Variants in MSANTD7 observed in about 807,000 individuals in gnomAD.
The protein encoded by MSANTD7 is Myb/SANT DNA binding domain containing 7, also known as zinc finger and SCAN domain containing 29.
the MSANTD7 span, chr10:14,838,656 T>C: frequency 1.8e-6 from 1 of 545,638 alleles, no homozygotes; most frequent in Non-Finnish European, 3.2e-6. Flanking sequence ...AGTCGTCTAC[T>C]CCGCGGCGGA....
At chr10:14,842,989 T>C in the MSANTD7 span, 4 of 710,296 alleles carry the variant, frequency 5.6e-6, no homozygotes, top group South Asian at 5.9e-5. This position sits in a 1 kb window ranked among gnomAD's most constrained non-coding sequence, Gnocchi z 5.2. Context: ...AAAAACCTAA[T>C]AGTAAGCTAA....
chr10:14,846,241 A>G, the MSANTD7 span: 2 of 985,322 alleles, frequency 2.0e-6, no homozygotes, highest in Non-Finnish European at 2.4e-6. Flanking sequence ...GTAGGTAGGT[A>G]GGTAGATTTT....
chr10:14,838,816 C>T, the MSANTD7 span, among the ~76,000 whole-genome samples: 1 of 151,582 alleles, frequency 6.6e-6, no homozygotes, highest in Admixed American at 6.6e-5. Context: ...CCGGGGACGG[C>T]GGGGCTGCGA....
At chr10:14,844,878 A>AT in the MSANTD7 span, 4 of 984,970 alleles carry the variant, frequency 4.1e-6, no homozygotes, top group Non-Finnish European at 3.6e-6. Context: ...CTTTTCTGTT[A>AT]TTTTTTTGTC....
At chr10:14,842,524 T>G in the MSANTD7 span, 1 of 1,536,164 alleles carries the variant, frequency 6.5e-7, no homozygotes, top group East Asian at 2.4e-5. The surrounding 1 kb of genome is among the most constrained non-coding windows in gnomAD (Gnocchi z 5.2). Flanking sequence ...ATGTTGCCCA[T>G]GCCACAAGTA....
the MSANTD7 span, chr10:14,844,102 A>C: frequency 7.2e-7 from 1 of 1,392,500 alleles, no homozygotes; most frequent in African/African-American, 1.5e-5. Flanking sequence ...GGGGTGACCT[A>C]ATAGAAAACG....
At chr10:14,839,131 A>G in the MSANTD7 span, among the ~76,000 whole-genome samples, 1 of 152,256 alleles carries the variant, frequency 6.6e-6, no homozygotes, top group Non-Finnish European at 1.5e-5. Flanking sequence ...TGGAAGTGAG[A>G]GCCTGACAGG....
At chr10:14,846,938 C>T in the MSANTD7 span, 1 of 985,170 alleles carries the variant, frequency 1.0e-6, no homozygotes, top group African/African-American at 1.7e-5. Context: ...CAACTTCTCA[C>T]CACCTTTGTT....
At chr10:14,838,919 G>A in the MSANTD7 span, among the ~76,000 whole-genome samples, 1 of 152,172 alleles carries the variant, frequency 6.6e-6, no homozygotes, top group Non-Finnish European at 1.5e-5. Flanking sequence ...GCGGGTGGGA[G>A]GTCCTGGGAA....
At chr10:14,844,320 T>C in the MSANTD7 span, 3 of 1,036,146 alleles carry the variant, frequency 2.9e-6, no homozygotes, top group Non-Finnish European at 3.5e-6. Flanking sequence ...ATTTAAGTTA[T>C]TAATTCATAT....
chr10:14,844,444 G>A, the MSANTD7 span: 1 of 991,166 alleles, frequency 1.0e-6, no homozygotes, highest in African/African-American at 1.7e-5. Context: ...GCTTCATGGA[G>A]TTTGAAATCT....
At chr10:14,843,935 G>A in the MSANTD7 span, 2 of 1,531,044 alleles carry the variant, frequency 1.3e-6, no homozygotes, top group East Asian at 2.4e-5. Context: ...ACTGGTAGAA[G>A]TCTAGTTCCC....
chr10:14,843,641 G>C, the MSANTD7 span: 1 of 1,550,040 alleles, frequency 6.5e-7, no homozygotes, highest in Non-Finnish European at 8.7e-7. Flanking sequence ...TCAGTGGCCA[G>C]GACTATCGCA....
At chr10:14,843,991 A>G in the MSANTD7 span, 1 of 1,476,292 alleles carries the variant, frequency 6.8e-7, no homozygotes, top group African/African-American at 1.4e-5. Context: ...GTCCTCAGAA[A>G]AAAACATGGA....
At chr10:14,845,940 A>G in the MSANTD7 span, 1 of 815,366 alleles carries the variant, frequency 1.2e-6, no homozygotes, top group Non-Finnish European at 1.5e-6. Context: ...TTCCAGCTCT[A>G]AAAAAATTTG....
At chr10:14,842,343 T>C in the MSANTD7 span, 6 of 1,536,122 alleles carry the variant, frequency 3.9e-6, no homozygotes, top group Non-Finnish European at 5.2e-6. This position sits in a 1 kb window ranked among gnomAD's most constrained non-coding sequence, Gnocchi z 5.2. Flanking sequence ...ACACGAACTC[T>C]TCTCTCCATA....
the MSANTD7 span, chr10:14,843,253 G>A: frequency 7.8e-7 from 1 of 1,280,166 alleles, no homozygotes; most frequent in Non-Finnish European, 1.1e-6. Flanking sequence ...AGTCCCTGGT[G>A]GAAAGAGGCT....
At chr10:14,844,116 G>A in the MSANTD7 span, 1 of 1,367,588 alleles carries the variant, frequency 7.3e-7, no homozygotes, top group Non-Finnish European at 9.4e-7. Context: ...GAAAACGATG[G>A]AGCCACGTTC....
At chr10:14,844,199 G>A in the MSANTD7 span, 29 of 1,156,126 alleles carry the variant, frequency 2.5e-5, no homozygotes, top group East Asian at 5.5e-4. Context: ...TTCCTCATCC[G>A]TAAAATGGGG....
Sources: gnomAD v4.1 joint callset for allele counts (sites outside exome capture counted in the v4.1 genomes callset) on GRCh38, gnomAD v4.1.1 for gene constraint, Gnocchi (gnomAD v3.1) non-coding constraint, MANE v1.5 for transcripts, NCBI Gene and HGNC (gene_info 2026-07-23, HGNC 2026-07-21) for gene names.